The following YTHDC2 variants were observed in gnomAD, a reference collection of about 807,000 sequenced individuals.
YTHDC2 encodes the protein 3'-5' RNA helicase YTHDC2.
In YTHDC2, 45 loss-of-function variants were observed where a neutral mutation model predicts 174.9. The ratio of observed to expected loss-of-function variants is 0.26; its 90% confidence interval spans 0.20 to 0.33. The LOEUF (loss-of-function observed/expected upper bound fraction) is 0.33, where lower values mean the gene tolerates loss of function less well. Ranked by LOEUF, YTHDC2 falls within the 10% of genes least tolerant of loss-of-function variation. The pLI, the probability that YTHDC2 is intolerant of heterozygous loss-of-function variation, is 1.00. For missense variants in YTHDC2, 1,650 were observed against 1,723.7 expected, an observed-to-expected ratio of 0.96 and a Z score of 0.76; for synonymous variants, 657 against 574.5, an observed-to-expected ratio of 1.14 and a Z score of -2.05.
chr5:113,514,425 G>A (rs1580456436), intron 1 of YTHDC2: 1 of 512,018 alleles, frequency 2.0e-6, no homozygotes, highest in East Asian at 4.5e-5. Flanking sequence ...TCACCTAATT[G>A]TGGCACGTTT....
intron 17 of YTHDC2, among the ~76,000 whole-genome samples, chr5:113,559,846 A>C (rs184357837): frequency 1.7e-3 from 257 of 152,362 alleles, no homozygotes; most frequent in Admixed American, 4.1e-3. Flanking sequence ...CACAAAGAAC[A>C]ACCAAAACTG....
In YTHDC2 at chr5:113,567,084, C is replaced by T. The variant is rs758021236; in HGVS notation, c.2843-8C>T. 1 of 1,600,230 alleles carries T rather than the reference C, an allele frequency of 6.2e-7. No homozygotes were observed. On this transcript the variant is annotated splice_region_variant and splice_polypyrimidine_tract_variant and intron_variant, in intron 21 of 29. Coordinates refer to ENST00000161863, the MANE Select transcript of YTHDC2 (RefSeq NM_022828.5). Reference sequence around the variant, plus strand: ...TAGAAAAATTGGTGTGGTTTTTTTCCCCTCTAGGTTTTGTTAGAGCACGAG... The same window carrying T: ...TAGAAAAATTGGTGTGGTTTTTTTCTCCTCTAGGTTTTGTTAGAGCACGAG...
At chr5:113,536,295 G>A (rs1375597118) in intron 7 of YTHDC2, among the ~76,000 whole-genome samples, 1 of 152,226 alleles carries the variant, frequency 6.6e-6, no homozygotes, top group Non-Finnish European at 1.5e-5. Context: ...GGAGGCCAAG[G>A]CAGGTGGATC....
At chr5:113,581,271 AT>A in intron 24 of YTHDC2, 145 bp from the exon 25 acceptor site, 1 of 671,600 alleles carries the variant, frequency 1.5e-6, no homozygotes, top group Admixed American at 4.0e-5. Context: ...TCATTCATGC[AT>A]TAAAAATAAT....
At chr5:113,520,310 C>T (rs1283870874) in intron 2 of YTHDC2, among the ~76,000 whole-genome samples, 1 of 152,018 alleles carries the variant, frequency 6.6e-6, no homozygotes, top group Non-Finnish European at 1.5e-5. Flanking sequence ...GAGAGGGACA[C>T]CTCCTGTTTT....
chr5:113,554,151 G>A (rs1319243867), intron 16 of YTHDC2, 129 bp downstream of exon 16: 7 of 788,134 alleles, frequency 8.9e-6, no homozygotes, highest in Non-Finnish European at 1.2e-5. Flanking sequence ...TTGGACCAGC[G>A]CATGCTTTTA....
chr5:113,583,209 T>C (rs1001155616), intron 25 of YTHDC2: 1 of 152,194 alleles, frequency 6.6e-6, no homozygotes, highest in African/African-American at 2.4e-5. Context: ...GTAACCACTT[T>C]GGTTATGTAA....
chr5:113,520,826 G>T (rs907340969), intron 2 of YTHDC2, among the ~76,000 whole-genome samples: 2 of 152,154 alleles, frequency 1.3e-5, no homozygotes, highest in African/African-American at 4.8e-5. Context: ...AGGTAAGCAT[G>T]AGTCAAGGGG....
intron 16 of YTHDC2, among the ~76,000 whole-genome samples, chr5:113,555,167 G>A (rs7706958): frequency 6.6e-6 from 1 of 151,494 alleles, no homozygotes; most frequent in East Asian, 1.9e-4. Flanking sequence ...GGATAAAGTG[G>A]GTTTTGAATA....
intron 2 of YTHDC2, among the ~76,000 whole-genome samples, chr5:113,518,016 G>C (rs1056664000): frequency 6.6e-6 from 1 of 151,586 alleles, no homozygotes; most frequent in African/African-American, 2.4e-5. Context: ...AGCCTCCCAA[G>C]TAGCTAGGAC....
At chr5:113,526,827 ATAT>A (rs752743250) in intron 4 of YTHDC2, 42 bp downstream of exon 4, 3,985 of 127,168 alleles carry the variant, frequency 0.031, 31 homozygotes, top group Non-Finnish European at 0.037. Flanking sequence ...AAAAAAAAAA[ATAT>A]ATATATATAT....
intron 26 of YTHDC2, among the ~76,000 whole-genome samples, chr5:113,589,408 AATATATATAT>A (rs34243829): frequency 1.6e-5 from 2 of 123,244 alleles, no homozygotes; most frequent in African/African-American, 6.8e-5. Flanking sequence ...AAAAAAAAAA[AATATATATAT>A]ATATATATAT....
Position 113,563,875 on chromosome 5 carries a change from A to T in YTHDC2, c.2459A>T (p.Asp820Val). Residue 820 changes from aspartate to valine, a missense_variant, in exon 20 of 30, where the codon GAT becomes GTT. Asp to Val is a radical substitution (Grantham distance 152, BLOSUM62 -3). Around this residue, in one of 5 missense-constraint regions of YTHDC2, gnomAD observed 913 missense variants for 940.4 expected, o/e 0.97. Transcript: ENST00000161863. The stretch of plus-strand genomic sequence containing the variant: ...TTTACTTAGACAATAGATGCAATGG[A>T]TACATGGGAAGATCTGACTGAACTT... The part of the protein sequence containing the change: ...VQMLKTIDAM[D>V]TWEDLTELGY... The T allele has an allele frequency of 1.2e-6, 2 of 1,614,180 alleles. No homozygotes were observed. Among genetic ancestry groups the T allele is most frequent in the Non-Finnish European group, 1.7e-6 (2 of 1,180,028 alleles).
intron 25 of YTHDC2, 44 bp from the exon 26 acceptor site, chr5:113,584,258 G>C (rs563092874): frequency 6.6e-7 from 1 of 1,522,008 alleles, no homozygotes; most frequent in South Asian, 1.3e-5. Context: ...TTTGTATGAC[G>C]AACTTATATA....
intron 10 of YTHDC2, among the ~76,000 whole-genome samples, chr5:113,547,977 T>G (rs1776002329): frequency 2.0e-5 from 3 of 152,168 alleles, no homozygotes; most frequent in Admixed American, 2.0e-4. Context: ...CTTTAATTAT[T>G]TTTCTAATGT....
At chr5:113,542,017 A>G (rs1775514303) in intron 9 of YTHDC2, among the ~76,000 whole-genome samples, 1 of 152,148 alleles carries the variant, frequency 6.6e-6, no homozygotes, top group African/African-American at 2.4e-5. Context: ...GGGACCTGGC[A>G]TCAGTATTAA....
chr5:113,529,347 A>G (rs181912054), intron 4 of YTHDC2, among the ~76,000 whole-genome samples: 65 of 152,272 alleles, frequency 4.3e-4, no homozygotes, highest in African/African-American at 1.3e-3. Context: ...CTTGTATCCT[A>G]ATATTTCTTT....
rs901228565 is a variant in YTHDC2 at position 113,539,889 on chromosome 5, TA to T, written c.1210+719del. ...TGTAAAACTCCTAGATCTTGAAACT[TA>T]AAAAAAAAAATTAAAAAAAAATTTT... On this transcript the variant is annotated intron_variant, in intron 8 of 29. Coordinates refer to ENST00000161863, the MANE Select transcript of YTHDC2 (RefSeq NM_022828.5). 1.6e-3 allele frequency among the ~76,000 whole-genome samples: 231 copies of T among 148,834 alleles called. 1 individual carries two copies. Among genetic ancestry groups the T allele is most frequent in the African/African-American group, 4.5e-3 (184 of 40,760 alleles).
intron 8 of YTHDC2, among the ~76,000 whole-genome samples, chr5:113,540,539 G>A (rs1210459285): frequency 1.3e-5 from 2 of 152,170 alleles, no homozygotes; most frequent in Non-Finnish European, 2.9e-5. Flanking sequence ...CAAAGGGGAA[G>A]CAAGGACCTT....
Sources: gnomAD v4.1 joint callset for allele counts (sites outside exome capture counted in the v4.1 genomes callset) on GRCh38, gnomAD v4.1.1 for gene constraint, gnomAD v4.1.1 regional missense constraint, MANE v1.5 for transcripts, NCBI Gene and HGNC (gene_info 2026-07-23, HGNC 2026-07-21) for gene names.